Variants in NCOR2 observed in about 807,000 individuals in gnomAD.
NCOR2 encodes the protein nuclear receptor corepressor 2, also known as CTG repeat protein 26.
A neutral mutation model predicts 262.9 loss-of-function variants in NCOR2; 81 were observed. That is an observed-to-expected ratio of 0.31 (90% CI 0.26 to 0.37). The LOEUF (loss-of-function observed/expected upper bound fraction) is 0.37, where lower values mean the gene tolerates loss of function less well. Ranked by LOEUF, NCOR2 falls within the 10% of genes least tolerant of loss-of-function variation. NCOR2 has a pLI of 1.00. For synonymous variants in NCOR2, 1,659 were observed against 1,559.3 expected, an observed-to-expected ratio of 1.06 and a Z score of -1.51; for missense variants, 3,385 against 3,621.4, an observed-to-expected ratio of 0.93 and a Z score of 1.68.
At position 124,378,457 on chromosome 12, in the gene NCOR2, C is replaced by A; in HGVS notation, c.2020-73G>T. 6.9e-6 allele frequency: 10 copies of A among 1,458,792 alleles called. No individual in the cohort carries two copies. Among genetic ancestry groups the A allele is most frequent in the Non-Finnish European group, 9.2e-6 (10 of 1,091,520 alleles). 90.4% of individuals were successfully genotyped at this position (1,458,792 alleles called of 1,614,324 possible). On this transcript the variant is annotated intron_variant, in intron 17 of 46. Transcript: ENST00000405201. This position sits in a 1 kb window ranked among gnomAD's most constrained non-coding sequence, Gnocchi z 4.2. ...GCTCGGGGACTCCCCATGCCTGGGG[C>A]CTCGCCGCAGGTGCAAAGGGCAGTG...
chr12:124,362,623 C>A (rs1189469618), intron 21 of NCOR2, among the ~76,000 whole-genome samples: 1 of 151,434 alleles, frequency 6.6e-6, no homozygotes, highest in Non-Finnish European at 1.5e-5. Flanking sequence ...ACAGGGGGAG[C>A]CCACCTCCCA....
chr12:124,395,187 A>G (rs1185845004), intron 16 of NCOR2, among the ~76,000 whole-genome samples: 1 of 152,152 alleles, frequency 6.6e-6, no homozygotes, highest in Admixed American at 6.5e-5. Context: ...GGCAGAGACC[A>G]TCTGCCTCAG....
intron 16 of NCOR2, among the ~76,000 whole-genome samples, chr12:124,395,393 A>C (rs1175253008): frequency 6.6e-6 from 1 of 152,066 alleles, no homozygotes; most frequent in Non-Finnish European, 1.5e-5. Flanking sequence ...CCTGAGCAGT[A>C]ATTGTCCAGA....
chr12:124,560,650 C>T (rs977791017), intron 1 of NCOR2, among the ~76,000 whole-genome samples: 9 of 152,126 alleles, frequency 5.9e-5, no homozygotes, highest in African/African-American at 1.4e-4. Context: ...TTAAAGGGAA[C>T]GCACACATAC....
At chr12:124,402,294 C>G in intron 14 of NCOR2, 110 bp downstream of exon 16, 1 of 1,548,608 alleles carries the variant, frequency 6.5e-7, no homozygotes, top group Non-Finnish European at 8.7e-7. Context: ...CCCCTGCTCA[C>G]AGGCAATTGG....
intron 1 of NCOR2, among the ~76,000 whole-genome samples, chr12:124,519,418 C>T (rs2050048484): frequency 6.6e-6 from 1 of 152,182 alleles, no homozygotes; most frequent in Non-Finnish European, 1.5e-5. Context: ...TGGACAGCAG[C>T]CCACATGATG....
rs2043980415 is a variant in NCOR2 at position 124,432,008 on chromosome 12, A to C, written c.883-1221T>G. On this transcript the variant is annotated intron_variant, in intron 8 of 46. Transcript: ENST00000405201. The surrounding 1 kb of genome is among the most constrained non-coding windows in gnomAD (Gnocchi z 5.1). Reference sequence around the variant, plus strand: ...GACACACACACATGGTCATGCAGGCAGACATATGACAGACACACACACAGT... The same window carrying C: ...GACACACACACATGGTCATGCAGGCCGACATATGACAGACACACACACAGT... Among the ~76,000 whole-genome samples, 1 of 151,776 alleles carries C rather than the reference A, an allele frequency of 6.6e-6. No individual in the cohort carries two copies. The highest frequency in any genetic ancestry group is 2.4e-5 in the African/African-American group (1 of 41,304).
chr12:124,400,640 G>A (rs542671777), exon 15 of NCOR2: 30 of 1,614,156 alleles, frequency 1.9e-5, no homozygotes, highest in Middle Eastern at 1.6e-4. Context: ...CCTTCTCGTC[G>A]TTGTCCTCCC....
chr12:124,377,291 C>T (rs1385139170), intron 18 of NCOR2, among the ~76,000 whole-genome samples: 1 of 152,146 alleles, frequency 6.6e-6, no homozygotes, highest in African/African-American at 2.4e-5. Context: ...TTTGTCTAGT[C>T]TACAGCTGGT....
chr12:124,397,085 C>G (rs1003902921), intron 16 of NCOR2, among the ~76,000 whole-genome samples: 2 of 152,210 alleles, frequency 1.3e-5, no homozygotes, highest in Non-Finnish European at 2.9e-5. Context: ...TTCCTGGCTC[C>G]TTGCCCACAA....
chr12:124,467,865 ACCC>A (rs1187572548), intron 4 of NCOR2, among the ~76,000 whole-genome samples: 33 of 39,292 alleles, frequency 8.4e-4, no homozygotes, highest in African/African-American at 1.5e-3. Context: ...CATCCTCATC[ACCC>A]CCATCACCCT....
chr12:124,519,463 C>G (rs551518981), intron 1 of NCOR2, among the ~76,000 whole-genome samples: 4 of 152,254 alleles, frequency 2.6e-5, no homozygotes, highest in African/African-American at 9.6e-5. Flanking sequence ...GAGGAAGGCA[C>G]CCCTGGCAGA....
intron 5 of NCOR2, among the ~76,000 whole-genome samples, chr12:124,465,334 T>C (rs1273636756): frequency 6.6e-6 from 1 of 152,072 alleles, no homozygotes; most frequent in Admixed American, 6.5e-5. Flanking sequence ...AAAAGTACAC[T>C]GTAAATCATT....
intron 10 of NCOR2, among the ~76,000 whole-genome samples, chr12:124,428,086 T>TGTGTGTGTGTGTGTGTGTGTGCGTGC (rs958627720): frequency 2.7e-5 from 4 of 147,050 alleles, no homozygotes; most frequent in Non-Finnish European, 4.5e-5. Flanking sequence ...TGTGTGTGTG[T>TGTGTGTGTGTGTGTGTGTGTGCGTGC]GTACATGCAA....
chr12:124,431,141 GAC>G (rs1334162112), intron 8 of NCOR2, among the ~76,000 whole-genome samples: 1 of 141,148 alleles, frequency 7.1e-6, no homozygotes, highest in Non-Finnish European at 1.5e-5. Context: ...CACACAGGCA[GAC>G]ACACATGCAG....
intron 10 of NCOR2, 154 bp downstream of exon 12, chr12:124,429,459 G>T: frequency 1.4e-6 from 1 of 738,092 alleles, no homozygotes. Context: ...CCTGGGACGG[G>T]TACCTCAATA....
chr12:124,502,791 C>T (rs1043722286), intron 1 of NCOR2, among the ~76,000 whole-genome samples: 1 of 152,204 alleles, frequency 6.6e-6, no homozygotes, highest in Non-Finnish European at 1.5e-5. Flanking sequence ...GACACTGTAG[C>T]TGCCCCTGTG....
exon 13 of NCOR2, chr12:124,420,033 T>C (rs181837152): frequency 1.2e-6 from 2 of 1,613,378 alleles, no homozygotes; most frequent in East Asian, 2.2e-5. Flanking sequence ...CAGGTAGTAA[T>C]AGAGGACGCA....
chr12:124,521,532 C>A (rs1270099521), intron 1 of NCOR2, among the ~76,000 whole-genome samples: 1 of 152,180 alleles, frequency 6.6e-6, no homozygotes, highest in Admixed American at 6.5e-5. Context: ...TGATTCCGTC[C>A]AGGAGAAATA....
Sources: allele counts gnomAD v4.1 joint callset (sites outside exome capture counted in the v4.1 genomes callset), GRCh38; gene constraint gnomAD v4.1.1; non-coding constraint Gnocchi (gnomAD v3.1); transcripts MANE v1.5; gene names NCBI Gene and HGNC (gene_info 2026-07-23, HGNC 2026-07-21).